The following DIAPH2 variants were observed in gnomAD, a reference collection of about 807,000 sequenced individuals.
DIAPH2 encodes the protein diaphanous related formin 2.
A neutral mutation model predicts 92.7 loss-of-function variants in DIAPH2; 35 were observed. That is an observed-to-expected ratio of 0.38 (90% confidence interval 0.29 to 0.50). DIAPH2 has a LOEUF of 0.50. DIAPH2 is among the 20% of genes least tolerant of loss of function. DIAPH2 has a pLI of 0.94. For synonymous variants in DIAPH2, 301 were observed against 280.4 expected, an observed-to-expected ratio of 1.07 and a Z score of -0.73; for missense variants, 701 against 819.5, an observed-to-expected ratio of 0.86 and a Z score of 1.77.
intron 26 of DIAPH2, among the ~76,000 whole-genome samples, chrX:97,586,957 C>T (rs1024514730): frequency 1.2e-4 from 13 of 112,200 alleles, no homozygotes; most frequent in African/African-American, 4.2e-4. Flanking sequence ...AACTATATAA[C>T]AGAGTAAAGA....
chrX:97,106,633 T>C (rs971202344), intron 20 of DIAPH2, among the ~76,000 whole-genome samples: 2 of 111,560 alleles, frequency 1.8e-5, no homozygotes, highest in Non-Finnish European at 3.8e-5. Context: ...AACACCACCA[T>C]AGAAATTTTT....
At chrX:96,853,057 T>C (rs1313320675) in intron 4 of DIAPH2, among the ~76,000 whole-genome samples, 1 of 111,597 alleles carries the variant, frequency 9.0e-6, no homozygotes, top group African/African-American at 3.3e-5. Context: ...TAAAAGATAA[T>C]GAAAATGGAG....
At chrX:96,763,896 G>T (rs2064284736) in intron 4 of DIAPH2, among the ~76,000 whole-genome samples, 1 of 109,689 alleles carries the variant, frequency 9.1e-6, no homozygotes. Flanking sequence ...GAGTACTGAG[G>T]TATCTAGAAT....
intron 22 of DIAPH2, among the ~76,000 whole-genome samples, chrX:97,165,345 G>A (rs1442879766): frequency 3.6e-5 from 4 of 111,374 alleles, no homozygotes; most frequent in African/African-American, 9.8e-5. Flanking sequence ...GAGTTTCTTG[G>A]GAGACATAAA....
rs145100888 is a variant in DIAPH2 at position 97,268,066 on chromosome X, T to C, written c.2844+20227T>C. The stretch of plus-strand genomic sequence containing the variant: ...ATCTTGGCCTGAGAAAGTTAAGCAC[T>C]GTTGGGCCTGGCAATTTACCATAAT... On this transcript the variant is annotated intron_variant, in intron 23 of 26. Transcript: ENST00000324765. Among the ~76,000 whole-genome samples, 436 of 112,269 alleles carry C rather than the reference T, an allele frequency of 3.9e-3. 6 individuals carry two copies. Among genetic ancestry groups the C allele is most frequent in the African/African-American group, 0.013 (411 of 30,979 alleles).
rs1569426202 is a variant in DIAPH2 at position 97,570,114 on chromosome X, A to AG, written c.3242-29139_3242-29138insG. 2.8e-3 allele frequency among the ~76,000 whole-genome samples: 88 copies of AG among 31,147 alleles called. 1 individual carries two copies. Among genetic ancestry groups the AG allele is most frequent in the African/African-American group, 8.7e-3 (84 of 9,622 alleles). 27.0% of individuals were successfully genotyped at this position (31,147 alleles called of 115,157 possible). On this transcript the variant is annotated intron_variant, in intron 26 of 26. Transcript: ENST00000324765. ...TATATATATATATATATATATATAT[A>AG]TATATATATTAGAAGATAGATAGAT...
chrX:96,762,753 T>TA (rs1412415505), intron 4 of DIAPH2, among the ~76,000 whole-genome samples: 2 of 110,664 alleles, frequency 1.8e-5, no homozygotes, highest in African/African-American at 3.3e-5. Context: ...TATGAGCTGG[T>TA]AAAAAAATCT....
chrX:97,017,699 C>T (rs927024521), intron 17 of DIAPH2, among the ~76,000 whole-genome samples: 11 of 112,067 alleles, frequency 9.8e-5, no homozygotes, highest in Non-Finnish European at 1.9e-4. Context: ...CAAGTGATTC[C>T]CAATAATGAA....
chrX:97,576,108 G>A (rs1160621410), intron 26 of DIAPH2, among the ~76,000 whole-genome samples: 1 of 111,211 alleles, frequency 9.0e-6, no homozygotes, highest in Non-Finnish European at 1.9e-5. Context: ...GTGATTGACT[G>A]TAAGGAAAAG....
intron 5 of DIAPH2, among the ~76,000 whole-genome samples, chrX:96,901,193 G>T (rs2065391244): frequency 9.1e-6 from 1 of 110,423 alleles, no homozygotes; most frequent in Non-Finnish European, 1.9e-5. Context: ...ATCTAGGAGG[G>T]CTGTATGTTT....
At chrX:97,192,082 G>A (rs929608563) in intron 22 of DIAPH2, among the ~76,000 whole-genome samples, 1 of 110,654 alleles carries the variant, frequency 9.0e-6, no homozygotes, top group African/African-American at 3.3e-5. Context: ...ACGAGGTCAG[G>A]AGTTTGAGAC....
chrX:97,125,390 T>C (rs768618799), intron 21 of DIAPH2, among the ~76,000 whole-genome samples: 22 of 100,459 alleles, frequency 2.2e-4, no homozygotes, highest in Middle Eastern at 5.5e-3. Flanking sequence ...GAGAATTGCT[T>C]GAACCCGGGA....
intron 17 of DIAPH2, among the ~76,000 whole-genome samples, chrX:97,041,495 C>T (rs1602740448): frequency 9.0e-6 from 1 of 111,103 alleles, no homozygotes; most frequent in Admixed American, 9.6e-5. Flanking sequence ...TTCTTTATAT[C>T]TTCCCTGTTA....
At chrX:97,191,514 G>A (rs1003576993) in intron 22 of DIAPH2, among the ~76,000 whole-genome samples, 2 of 110,899 alleles carry the variant, frequency 1.8e-5, no homozygotes, top group African/African-American at 6.6e-5. Flanking sequence ...CTTAAGGAGA[G>A]TAGTCTCACT....
rs2071588318 is a variant in DIAPH2 at position 97,600,668 on chromosome X, A to AATT, written c.*1352_*1354dup. The AATT allele has an allele frequency of 1.8e-5, 2 of 112,369 alleles. No homozygotes were observed. Among genetic ancestry groups the AATT allele is most frequent in the South Asian group, 7.4e-4 (2 of 2,690 alleles). The allele number at this position is 112,369 out of a possible 1,213,427, so 9.3% of individuals were successfully genotyped here. On this transcript the variant is annotated 3_prime_UTR_variant, in exon 27 of 27. Transcript: ENST00000324765. ...ATGTGGTATAACTTCTCTGGAGTGC[A>AATT]ATTTTAAGTCTAATTCATGCAGATG...
At chrX:97,453,677 T>C (rs1421079546) in intron 26 of DIAPH2, among the ~76,000 whole-genome samples, 1 of 111,749 alleles carries the variant, frequency 8.9e-6, no homozygotes. Context: ...TATGAAAATA[T>C]TTATTTCATG....
intron 5 of DIAPH2, chrX:96,884,894 A>G: frequency 8.3e-7 from 1 of 1,211,328 alleles, no homozygotes; most frequent in Non-Finnish European, 1.1e-6. Context: ...GATAACGATG[A>G]GAGTCACCGC....
chrX:97,210,664 A>G (rs530742024), intron 22 of DIAPH2, among the ~76,000 whole-genome samples: 16 of 111,694 alleles, frequency 1.4e-4, no homozygotes, highest in African/African-American at 4.5e-4. Context: ...GTTCTGGGCC[A>G]TGATTGAGAC....
At chrX:96,701,423 G>C (rs1246096267) in intron 1 of DIAPH2, 1 of 111,056 alleles carries the variant, frequency 9.0e-6, no homozygotes, top group African/African-American at 3.3e-5. Flanking sequence ...GGTAGGGAGA[G>C]GAAAGACTTC....
Sources: gnomAD v4.1 joint callset for allele counts (sites outside exome capture counted in the v4.1 genomes callset) on GRCh38, gnomAD v4.1.1 for gene constraint, MANE v1.5 for transcripts, NCBI Gene and HGNC (gene_info 2026-07-23, HGNC 2026-07-21) for gene names.